Variants in CELF2 observed in about 807,000 individuals in gnomAD.
CELF2 encodes CUG triplet repeat RNA-binding protein 2.
In CELF2, 8 loss-of-function variants were observed where a neutral mutation model predicts 62.6. That is an observed-to-expected ratio of 0.13 (90% confidence interval 0.07 to 0.23). The LOEUF is 0.23. Among genes scored for constraint, CELF2 ranks in the 10% least tolerant of loss-of-function variants. The pLI is 1.00. For missense variants in CELF2, 333 were observed against 671.0 expected (o/e 0.50, Z 5.56); for synonymous variants, 258 against 250.0 (o/e 1.03, Z -0.30).
At chr10:11,320,558 C>T (rs2095377233) in intron 10 of CELF2, among the ~76,000 whole-genome samples, 1 of 152,112 alleles carries the variant, frequency 6.6e-6, no homozygotes, top group African/African-American at 2.4e-5. Context: ...ATCAGCCAGG[C>T]TATTTATTCC....
intron 2 of CELF2, chr10:11,168,820 G>C (rs900273295): frequency 6.6e-6 from 1 of 152,088 alleles, no homozygotes; most frequent in Admixed American, 6.5e-5. Flanking sequence ...TTCAGGGTTC[G>C]AGCCTGAGAT....
At chr10:10,856,407 C>T (rs1290482478) in intron 1 of CELF2, among the ~76,000 whole-genome samples, 1 of 151,982 alleles carries the variant, frequency 6.6e-6, no homozygotes, top group Admixed American at 6.6e-5. Flanking sequence ...TCAAATAAAA[C>T]ATCTGCAAAG....
the CELF2 span, among the ~76,000 whole-genome samples, chr10:10,581,460 A>C: frequency 8.5e-5 from 13 of 152,270 alleles, no homozygotes; most frequent in East Asian, 2.1e-3. Context: ...AGAGATGAGG[A>C]GAACGCTCTG....
At position 10,931,855 on chromosome 10, in the gene CELF2, G is replaced by A. The variant is rs1208925878; in HGVS notation, c.89+11856G>A. On this transcript the variant is annotated intron_variant, in intron 2 of 13. Coordinates refer to the CELF2 transcript ENST00000636488. The surrounding 1 kb of genome is among the most constrained non-coding windows in gnomAD (Gnocchi z 6.1). ...CTCACAGTTCCACATGGCTAGGGAGGCCTCACAACCATGGCAGAAGGTGAA... is the reference window on the plus strand; with the variant it reads ...CTCACAGTTCCACATGGCTAGGGAGACCTCACAACCATGGCAGAAGGTGAA... Among the ~76,000 whole-genome samples the A allele has an allele frequency of 1.3e-5, 2 of 152,178 alleles. No individual in the cohort carries two copies. The highest frequency in any genetic ancestry group is 2.9e-5 in the Non-Finnish European group (2 of 68,038).
chr10:10,935,225 G>C (rs1197101962), intron 2 of CELF2: 1 of 152,130 alleles, frequency 6.6e-6, no homozygotes, highest in East Asian at 1.9e-4. Flanking sequence ...ATCTGTTCTG[G>C]GTTCTTGCCT....
In CELF2 at chr10:11,125,759, T is replaced by G. The variant is rs183107328; in HGVS notation, c.75-39727T>G. On this transcript the variant is annotated intron_variant, in intron 1 of 12. Transcript: ENST00000633077. The stretch of plus-strand genomic sequence containing the variant: ...AGCCTTAAATCCCTACTGCCCCCAT[T>G]AAAGTGTCTACTTGTCTCCTAAAAC... Among the ~76,000 whole-genome samples, 3 of 152,320 alleles carry G rather than the reference T, an allele frequency of 2.0e-5. No individual in the cohort carries two copies. The East Asian group carries it at 5.8e-4, about 29-fold the overall frequency.
rs377238063 is a variant in CELF2, at chr10:11,207,210, C to T, written c.272-10215C>T. Among the ~76,000 whole-genome samples the T allele has an allele frequency of 6.6e-6, 1 of 152,190 alleles. No individual in the cohort carries two copies. Among genetic ancestry groups the T allele is most frequent in the East Asian group, 1.9e-4 (1 of 5,194 alleles). On this transcript the variant is annotated intron_variant, in intron 2 of 12. Transcript: ENST00000633077. This position sits in a 1 kb window ranked among gnomAD's most constrained non-coding sequence, Gnocchi z 4.1. ...TGCATATTAGGCTGCACTTGCTTTC[C>T]CAAGAGGCTTGAAAATGCAGTCGAT...
At position 11,242,257 on chromosome 10, in the gene CELF2, C is replaced by T. The variant is rs1279583818; in HGVS notation, c.355-6896C>T. Among the ~76,000 whole-genome samples, 1 of 152,174 alleles carries T rather than the reference C, an allele frequency of 6.6e-6. No homozygotes were observed. Among genetic ancestry groups the T allele is most frequent in the Non-Finnish European group, 1.5e-5 (1 of 68,034 alleles). The stretch of plus-strand genomic sequence containing the variant: ...AAAAATGGCATGTTTTATTGAATCT[C>T]ATGTTAAAGGTGGTTAACTCATCAA... On this transcript the variant is annotated intron_variant, in intron 3 of 12. Transcript: ENST00000633077. The surrounding 1 kb of genome is among the most constrained non-coding windows in gnomAD (Gnocchi z 4.8).
chr10:10,725,507 C>T, the CELF2 span, among the ~76,000 whole-genome samples: 1 of 152,132 alleles, frequency 6.6e-6, no homozygotes, highest in Non-Finnish European at 1.5e-5. Context: ...AGAGAAAATC[C>T]CAACTTCATT....
the CELF2 span, among the ~76,000 whole-genome samples, chr10:10,706,794 T>C: frequency 6.6e-6 from 1 of 152,212 alleles, no homozygotes; most frequent in Non-Finnish European, 1.5e-5. Flanking sequence ...TGACCTTTCT[T>C]TGCCTAGATT....
At chr10:10,817,916 C>A (rs764575040) in intron 1 of CELF2, among the ~76,000 whole-genome samples, 25 of 152,262 alleles carry the variant, frequency 1.6e-4, no homozygotes, top group Middle Eastern at 6.8e-3. Context: ...CAAAATAGAC[C>A]TGAATTCAAA....
chr10:10,473,221 C>T, the CELF2 span, among the ~76,000 whole-genome samples: 2 of 151,870 alleles, frequency 1.3e-5, no homozygotes, highest in Admixed American at 6.6e-5. Context: ...AGATGATAGC[C>T]ATGTGAAGAC....
intron 2 of CELF2, among the ~76,000 whole-genome samples, chr10:11,196,388 G>A (rs560260164): frequency 6.6e-6 from 1 of 152,304 alleles, no homozygotes; most frequent in African/African-American, 2.4e-5. Context: ...GAGGCCAGAC[G>A]TGGTGACTCA....
At chr10:10,981,952 T>G (rs1390576396) in intron 2 of CELF2, among the ~76,000 whole-genome samples, 3 of 136,992 alleles carry the variant, frequency 2.2e-5, no homozygotes, top group Non-Finnish European at 4.7e-5. Flanking sequence ...TCCTTTTCCT[T>G]TTTTTTTTTT....
In CELF2 at chr10:11,091,831, C is replaced by G. The variant is rs114785860; in HGVS notation, c.75-73655C>G. On this transcript the variant is annotated intron_variant, in intron 1 of 12. Coordinates refer to ENST00000633077, the MANE Select transcript of CELF2 (RefSeq NM_001326342.2). ...CCAAGTTAAAAACATGACTCTCAAT[C>G]AAATACAGAATGAACGATTCTCACA... 8.0e-3 allele frequency among the ~76,000 whole-genome samples: 1,221 copies of G among 152,284 alleles called. 16 individuals carry two copies. Among genetic ancestry groups the G allele is most frequent in the African/African-American group, 0.028 (1,168 of 41,558 alleles).
At chr10:10,988,294 T>TAGAGAG (rs113642206) in intron 2 of CELF2, among the ~76,000 whole-genome samples, 1 of 140,766 alleles carries the variant, frequency 7.1e-6, no homozygotes, top group Non-Finnish European at 1.5e-5. Context: ...TATATATATA[T>TAGAGAG]AGAGAGAGAG....
chr10:10,986,384 A>T (rs1241426019), intron 2 of CELF2, among the ~76,000 whole-genome samples: 1 of 152,222 alleles, frequency 6.6e-6, no homozygotes, highest in Non-Finnish European at 1.5e-5. Flanking sequence ...ATAAAGAATT[A>T]TCTCCTTTAC....
intron 1 of CELF2, among the ~76,000 whole-genome samples, chr10:11,155,740 T>C (rs1314329501): frequency 6.6e-6 from 1 of 152,234 alleles, no homozygotes; most frequent in East Asian, 1.9e-4. Context: ...TTAGCTCCCA[T>C]GGACTGTCAA....
chr10:10,557,160 G>A, the CELF2 span, among the ~76,000 whole-genome samples: 6 of 137,016 alleles, frequency 4.4e-5, no homozygotes, highest in African/African-American at 1.7e-4. Flanking sequence ...GGTTTTTATG[G>A]TTTTAGGTCT....
Sources: gnomAD v4.1 joint callset for allele counts (sites outside exome capture counted in the v4.1 genomes callset) on GRCh38, gnomAD v4.1.1 for gene constraint, Gnocchi (gnomAD v3.1) non-coding constraint, MANE v1.5 for transcripts, NCBI Gene and HGNC (gene_info 2026-07-23, HGNC 2026-07-21) for gene names.